PTPRT: variants seen among roughly 807,000 people sequenced by gnomAD.
PTPRT encodes the protein receptor-type tyrosine-protein phosphatase T.
PTPRT carries 56 observed loss-of-function variants against 176.8 expected under a neutral mutation model. That is an observed-to-expected ratio of 0.32 (90% CI 0.26 to 0.40). The LOEUF (loss-of-function observed/expected upper bound fraction) is 0.40, where lower values mean the gene tolerates loss of function less well. Ranked by LOEUF, PTPRT falls within the 10% of genes least tolerant of loss-of-function variation. The pLI, the probability that PTPRT is intolerant of heterozygous loss-of-function variation, is 1.00. For synonymous variants in PTPRT, 783 were observed against 739.0 expected, an observed-to-expected ratio of 1.06 and a Z score of -0.96; for missense variants, 1,540 against 1,908.2, an observed-to-expected ratio of 0.81 and a Z score of 3.60.
chr20:42,584,680 C>T (rs1267024361), intron 7 of PTPRT, among the ~76,000 whole-genome samples: 1 of 152,180 alleles, frequency 6.6e-6, no homozygotes, highest in Non-Finnish European at 1.5e-5. Context: ...CTCCTCCCCA[C>T]AAATAAATGC....
intron 1 of PTPRT, among the ~76,000 whole-genome samples, chr20:43,122,532 TG>T (rs2013300182): frequency 6.6e-6 from 1 of 152,188 alleles, no homozygotes; most frequent in African/African-American, 2.4e-5. Flanking sequence ...GGGAGATGAT[TG>T]GATCATGGGG....
the PTPRT span, among the ~76,000 whole-genome samples, chr20:42,035,947 G>T: frequency 6.6e-6 from 1 of 152,198 alleles, no homozygotes; most frequent in Non-Finnish European, 1.5e-5. Context: ...CTTGAGACAA[G>T]GGTTTGGGTG....
intron 2 of PTPRT, among the ~76,000 whole-genome samples, chr20:42,871,744 A>T (rs2078850197): frequency 6.6e-6 from 1 of 151,972 alleles, no homozygotes; most frequent in Non-Finnish European, 1.5e-5. Context: ...TCCATTGTGT[A>T]GTCTTGGTAC....
At chr20:42,884,499 A>G (rs1303269101) in intron 2 of PTPRT, among the ~76,000 whole-genome samples, 1 of 152,170 alleles carries the variant, frequency 6.6e-6, no homozygotes, top group African/African-American at 2.4e-5. Flanking sequence ...AGCCAAGATG[A>G]CATGGCAGCT....
At chr20:42,603,731 A>C (rs1442153107) in intron 7 of PTPRT, among the ~76,000 whole-genome samples, 2 of 152,194 alleles carry the variant, frequency 1.3e-5, no homozygotes, top group Admixed American at 1.3e-4. Context: ...GATTGTGATA[A>C]ATGTTAGACC....
At chr20:42,133,515 A>G (rs954800991) in intron 18 of PTPRT, among the ~76,000 whole-genome samples, 2 of 152,224 alleles carry the variant, frequency 1.3e-5, no homozygotes, top group Non-Finnish European at 2.9e-5. Context: ...GAGAAAGATC[A>G]GTAGTTTCCA....
At position 42,516,437 on chromosome 20, in the gene PTPRT, C is replaced by T. The variant is rs62205779; in HGVS notation, c.1154-43875G>A. 7.9e-3 allele frequency among the ~76,000 whole-genome samples: 1,198 copies of T among 152,084 alleles called. 11 individuals are homozygous for T. Among genetic ancestry groups the T allele is most frequent in the Middle Eastern group, 0.014 (4 of 294 alleles). ...GTATTCATTTATGACTAGCTTTTCC[C>T]CCTTGTTTTTGTGAGATACATCATG... is the stretch of plus-strand genomic sequence containing the variant. On this transcript the variant is annotated intron_variant, in intron 7 of 30. Transcript: ENST00000373187.
At chr20:42,507,453 T>G (rs2071867020) in intron 7 of PTPRT, among the ~76,000 whole-genome samples, 1 of 152,084 alleles carries the variant, frequency 6.6e-6, no homozygotes, top group Admixed American at 6.6e-5. Flanking sequence ...AAGCCCATCG[T>G]GTGCTCAGGA....
At chr20:42,334,552 TA>T (rs1165905838) in intron 11 of PTPRT, among the ~76,000 whole-genome samples, 19 of 152,242 alleles carry the variant, frequency 1.2e-4, no homozygotes, top group Admixed American at 1.2e-3. Context: ...GCATAAATTA[TA>T]ACAAGCCATT....
chr20:42,421,950 T>C (rs866109510), intron 9 of PTPRT, among the ~76,000 whole-genome samples: 2 of 152,248 alleles, frequency 1.3e-5, no homozygotes, highest in Middle Eastern at 3.4e-3. Context: ...CCAAGCAATG[T>C]GAAAAGGATT....
intron 2 of PTPRT, among the ~76,000 whole-genome samples, chr20:42,859,262 C>T (rs547751342): frequency 4.6e-5 from 7 of 152,266 alleles, no homozygotes; most frequent in African/African-American, 1.2e-4. Flanking sequence ...ATGTTATGAA[C>T]GGAATAACTG....
At chr20:43,000,504 T>C (rs1230125242) in intron 1 of PTPRT, among the ~76,000 whole-genome samples, 2 of 151,938 alleles carry the variant, frequency 1.3e-5, no homozygotes, top group Non-Finnish European at 2.9e-5. Context: ...AGAAACAATA[T>C]ATCAAAATCT....
At chr20:42,985,126 AGCAGGTTCAAGAGCCTGGAT>A (rs1272954707) in intron 1 of PTPRT, among the ~76,000 whole-genome samples, 1 of 152,130 alleles carries the variant, frequency 6.6e-6, no homozygotes, top group East Asian at 1.9e-4. Context: ...GACTTTGAAG[AGCAGGTTCAAGAGCCTGGAT>A]GCCATTACTT....
chr20:42,990,247 G>T (rs942107304), intron 1 of PTPRT, among the ~76,000 whole-genome samples: 1 of 152,082 alleles, frequency 6.6e-6, no homozygotes, highest in African/African-American at 2.4e-5. Flanking sequence ...AAGTTTTATT[G>T]GGAAAAAATC....
intron 8 of PTPRT, among the ~76,000 whole-genome samples, chr20:42,449,418 C>A (rs901701952): frequency 3.3e-5 from 5 of 152,142 alleles, no homozygotes; most frequent in Non-Finnish European, 5.9e-5. Context: ...ACAAATTATT[C>A]CCCAAACTTT....
chr20:43,039,382 C>T (rs1414969583), intron 1 of PTPRT, among the ~76,000 whole-genome samples: 1 of 151,190 alleles, frequency 6.6e-6, no homozygotes. Context: ...AAATCTCTAT[C>T]TCACTCCTTA....
chr20:42,302,067 G>A (rs1462187014), intron 12 of PTPRT, among the ~76,000 whole-genome samples: 1 of 152,016 alleles, frequency 6.6e-6, no homozygotes, highest in African/African-American at 2.4e-5. Flanking sequence ...AGTGACATTG[G>A]GTACATTCCT....
intron 2 of PTPRT, among the ~76,000 whole-genome samples, chr20:42,802,581 A>C (rs1199756124): frequency 1.3e-5 from 2 of 152,252 alleles, no homozygotes; most frequent in African/African-American, 4.8e-5. Context: ...AGACTTTGAC[A>C]GCTGTTATCC....
chr20:43,036,504 A>C (rs180680534), intron 1 of PTPRT, among the ~76,000 whole-genome samples: 230 of 151,418 alleles, frequency 1.5e-3, no homozygotes, highest in African/African-American at 5.5e-3. Flanking sequence ...AAGGTTTTGT[A>C]GGATGTAGGG....
Sources: gnomAD v4.1 joint callset for allele counts (sites outside exome capture counted in the v4.1 genomes callset) on GRCh38, gnomAD v4.1.1 for gene constraint, MANE v1.5 for transcripts, NCBI Gene and HGNC (gene_info 2026-07-23, HGNC 2026-07-21) for gene names.